The following PI4KA variants were observed in gnomAD, a reference collection of about 807,000 sequenced individuals.
PI4KA encodes the protein phosphatidylinositol 4-kinase alpha.
PI4KA carries 122 observed loss-of-function variants against 271.4 expected under a neutral mutation model. That is an observed-to-expected ratio of 0.45 (90% CI 0.39 to 0.52). The LOEUF (loss-of-function observed/expected upper bound fraction) is 0.52. PI4KA is among the 20% of genes least tolerant of loss of function. The pLI is 0.00. For synonymous variants in PI4KA, 1,041 were observed against 1,078.8 expected, an observed-to-expected ratio of 0.96 and a Z score of 0.69; for missense variants, 1,969 against 2,769.1, an observed-to-expected ratio of 0.71 and a Z score of 6.48.
chr22:20,812,599 G>C (rs1050174454), intron 8 of PI4KA, among the ~76,000 whole-genome samples: 1 of 152,134 alleles, frequency 6.6e-6, no homozygotes, highest in Non-Finnish European at 1.5e-5. Flanking sequence ...CTGTTGCCCA[G>C]GCTGGAGTGC....
At chr22:20,815,396 AAAAAC>A (rs1186768614) in intron 7 of PI4KA, among the ~76,000 whole-genome samples, 4 of 151,698 alleles carry the variant, frequency 2.6e-5, no homozygotes, top group Admixed American at 6.6e-5. Flanking sequence ...AAAAAAAAAA[AAAAAC>A]AAATCAAAAC....
At chr22:20,779,779 TTG>T (rs1329970897) in intron 19 of PI4KA, 1 of 1,614,220 alleles carries the variant, frequency 6.2e-7, no homozygotes, top group Non-Finnish European at 8.5e-7. Context: ...ATAGCACCCG[TTG>T]GCATTTCTAC....
intron 2 of PI4KA, among the ~76,000 whole-genome samples, chr22:20,836,459 A>G (rs990810637): frequency 2.0e-5 from 3 of 152,236 alleles, no homozygotes; most frequent in Admixed American, 6.5e-5. Context: ...ACAAAACTCC[A>G]TAAGGCCTGA....
In PI4KA at chr22:20,796,039, T is replaced by A. The variant is rs1190090523; in HGVS notation, c.2277+107A>T. ...TTGCATTCCAGGCACATTTAAATCA[T>A]TCACAAAGAAAGTGCCATATTCCAA... On this transcript the variant is annotated intron_variant, in intron 18 of 54. Transcript: ENST00000255882. 4 of 1,011,458 alleles carry A rather than the reference T, an allele frequency of 4.0e-6. No individual in the cohort carries two copies. In the African/African-American group the frequency reaches 4.8e-5, roughly 12 times the overall value. The allele number at this position is 1,011,458 out of a possible 1,614,324, so 62.7% of individuals were successfully genotyped here.
intron 19 of PI4KA, among the ~76,000 whole-genome samples, chr22:20,792,892 T>C (rs1233336476): frequency 6.6e-6 from 1 of 152,054 alleles, no homozygotes; most frequent in Non-Finnish European, 1.5e-5. Flanking sequence ...AGACACAGGA[T>C]GAAAGTGGAG....
At chr22:20,847,878 TAAAGA>T (rs1926465149) in intron 1 of PI4KA, among the ~76,000 whole-genome samples, 1 of 151,738 alleles carries the variant, frequency 6.6e-6, no homozygotes, top group African/African-American at 2.4e-5. Context: ...TTGCTAAAAG[TAAAGA>T]AAACCTAAAT....
chr22:20,717,090 A>G (rs1926092955), intron 45 of PI4KA, among the ~76,000 whole-genome samples: 1 of 152,098 alleles, frequency 6.6e-6, no homozygotes, highest in African/African-American at 2.4e-5. Flanking sequence ...CTAAAAATAC[A>G]AAAAAATTAG....
Position 20,711,432 on chromosome 22 carries a change from G to C in PI4KA, c.5832C>G (p.Ala1944=), listed in dbSNP as rs751441725. The part of the protein sequence containing the change: ...QARYNFIRSM[A]AYSLLLFLLQ... ...GCAGGAACAGCAGGAGGCTGTAGGC[G>C]GCCATGCTTCGGATGAAGTTGTAGC... Residue 1944 remains alanine, a synonymous_variant, in exon 51 of 55, where the codon GCC becomes GCG. Transcript: ENST00000255882. The C allele has an allele frequency of 3.6e-6, 5 of 1,374,034 alleles. 1 individual carries two copies. The South Asian group carries it at 5.9e-5, about 16-fold the overall frequency. The allele number at this position is 1,374,034 out of a possible 1,614,324, so 85.1% of individuals were successfully genotyped here.
intron 29 of PI4KA, 26 bp from the exon 30 acceptor site, chr22:20,744,746 G>C (rs1929866327): frequency 6.4e-6 from 10 of 1,570,652 alleles, no homozygotes; most frequent in South Asian, 1.1e-5. Context: ...CATTATTGTA[G>C]ACTATGGCAG....
chr22:20,729,975 A>C lies in PI4KA; in HGVS notation c.4325T>G (p.Val1442Gly). 1 of 1,614,194 alleles carries C rather than the reference A, an allele frequency of 6.2e-7. No individual in the cohort carries two copies. Among genetic ancestry groups the C allele is most frequent in the Non-Finnish European group, 8.5e-7 (1 of 1,180,030 alleles). Residue 1442 changes from valine (V) to glycine (G), a missense_variant, in exon 37 of 55, where the codon GTC becomes GGC. By Grantham distance (109) the Val-to-Gly change is moderately radical. Around this residue, in one of 13 missense-constraint regions of PI4KA, gnomAD observed 23 missense variants for 23.2 expected, o/e 0.99. Transcript: ENST00000255882. ...TTGGGTGGCTTGTTGCCGAGAGCCGACAGTTATGTCCAGGTTGCTCCGGGT... is the reference window on the plus strand; with the variant it reads ...TTGGGTGGCTTGTTGCCGAGAGCCGCCAGTTATGTCCAGGTTGCTCCGGGT... ...QDTRSNLDIT[V>G]GSRQQATQGW...
At chr22:20,754,306 C>A (rs1458309794) in intron 23 of PI4KA, among the ~76,000 whole-genome samples, 1 of 151,430 alleles carries the variant, frequency 6.6e-6, no homozygotes, top group Non-Finnish European at 1.5e-5. Context: ...CCAGGCTGGT[C>A]TTGAACTCCT....
intron 19 of PI4KA, chr22:20,785,890 G>A (rs548758030): frequency 6.8e-5 from 96 of 1,403,686 alleles, no homozygotes; most frequent in Non-Finnish European, 8.9e-5. Context: ...ATTTTAATAA[G>A]TGCTATATCA....
intron 19 of PI4KA, among the ~76,000 whole-genome samples, chr22:20,777,096 T>C (rs778542080): frequency 1.3e-4 from 20 of 151,948 alleles, no homozygotes; most frequent in Non-Finnish European, 2.2e-4. Context: ...ATCCCCCAGG[T>C]TGGAGTGCAG....
At chr22:20,742,939 CTT>C (rs199920036) in intron 30 of PI4KA, 175 bp from the exon 31 acceptor site, 1,640 of 488,012 alleles carry the variant, frequency 3.4e-3, no homozygotes, top group East Asian at 5.3e-3. Flanking sequence ...CTGATCACAG[CTT>C]TTTTTTTTTT....
chr22:20,840,431 A>G (rs892474398), intron 1 of PI4KA, among the ~76,000 whole-genome samples: 1 of 152,198 alleles, frequency 6.6e-6, no homozygotes, highest in Non-Finnish European at 1.5e-5. Context: ...TAACAAACAC[A>G]TAGAGGCCTT....
At chr22:20,750,557 A>G (rs140000607) in intron 27 of PI4KA, among the ~76,000 whole-genome samples, 7 of 152,348 alleles carry the variant, frequency 4.6e-5, no homozygotes, top group African/African-American at 1.7e-4. Context: ...ATTCCTGCAC[A>G]AGGTTTGTGG....
At chr22:20,843,097 C>A (rs151254977) in intron 1 of PI4KA, among the ~76,000 whole-genome samples, 1,263 of 112,824 alleles carry the variant, frequency 0.011, no homozygotes, top group South Asian at 0.013. Context: ...GACTCCGTCT[C>A]AAAAAAAAAA....
intron 6 of PI4KA, among the ~76,000 whole-genome samples, chr22:20,818,772 C>A (rs1033882009): frequency 6.6e-6 from 1 of 152,160 alleles, no homozygotes; most frequent in African/African-American, 2.4e-5. Flanking sequence ...GATTACTGAG[C>A]TGAATTGTCC....
At chr22:20,769,486 G>A (rs1034034575) in intron 19 of PI4KA, among the ~76,000 whole-genome samples, 7 of 151,986 alleles carry the variant, frequency 4.6e-5, no homozygotes, top group Non-Finnish European at 7.4e-5. Context: ...TGGCTAACAC[G>A]GTAAAACCCC....
Sources: gnomAD v4.1 joint callset for allele counts (sites outside exome capture counted in the v4.1 genomes callset) on GRCh38, gnomAD v4.1.1 for gene constraint, gnomAD v4.1.1 regional missense constraint, MANE v1.5 for transcripts, NCBI Gene and HGNC (gene_info 2026-07-23, HGNC 2026-07-21) for gene names.